The following SH3RF3 variants were observed in gnomAD, a reference collection of about 807,000 sequenced individuals.
SH3RF3 encodes E3 ubiquitin-protein ligase SH3RF3.
A neutral mutation model predicts 66.3 loss-of-function variants in SH3RF3; 29 were observed. That is an observed-to-expected ratio of 0.44 (90% CI 0.33 to 0.60). The LOEUF is 0.60. SH3RF3 is among the 20% of genes least tolerant of loss of function. The pLI is 0.04. For synonymous variants in SH3RF3, 583 were observed against 532.0 expected (o/e 1.10, Z -1.32); for missense variants, 1,194 against 1,190.9 (o/e 1.00, Z -0.04).
intron 1 of SH3RF3, among the ~76,000 whole-genome samples, chr2:109,137,992 C>T (rs999204151): frequency 6.6e-6 from 1 of 152,192 alleles, no homozygotes; most frequent in Non-Finnish European, 1.5e-5. Context: ...AATGCAATGG[C>T]AGACACATAC....
At chr2:109,449,518 G>A (rs1559089706) in intron 8 of SH3RF3, 29 bp downstream of exon 8, 5 of 1,607,014 alleles carry the variant, frequency 3.1e-6, no homozygotes, top group South Asian at 1.1e-5. Flanking sequence ...ACGAGCCCTG[G>A]GCTCGAGGCC....
chr2:109,150,665 G>T (rs1269593566), intron 1 of SH3RF3, among the ~76,000 whole-genome samples: 2 of 151,976 alleles, frequency 1.3e-5, no homozygotes, highest in Non-Finnish European at 2.9e-5. Context: ...GGCTGCCTCT[G>T]GTTCCAGTCT....
intron 1 of SH3RF3, among the ~76,000 whole-genome samples, chr2:109,305,737 A>G (rs7589911): frequency 0.31 from 47,322 of 152,200 alleles, 9,080 homozygotes; most frequent in African/African-American, 0.54. Flanking sequence ...GAGGACGCAC[A>G]TTCCAGGCAG....
intron 5 of SH3RF3, among the ~76,000 whole-genome samples, chr2:109,420,517 C>T (rs77450065): frequency 0.047 from 7,228 of 152,210 alleles, 481 homozygotes; most frequent in African/African-American, 0.15. Flanking sequence ...GCGATCCCGG[C>T]TCACTGCAAG....
At chr2:109,242,057 G>T (rs1305836879) in intron 1 of SH3RF3, among the ~76,000 whole-genome samples, 1 of 152,022 alleles carries the variant, frequency 6.6e-6, no homozygotes, top group African/African-American at 2.4e-5. Context: ...GGCTGGCTCT[G>T]GTGTAGACGG....
intron 9 of SH3RF3, among the ~76,000 whole-genome samples, chr2:109,499,443 C>T (rs978911165): frequency 2.0e-4 from 30 of 152,216 alleles, no homozygotes; most frequent in Admixed American, 1.8e-3. Flanking sequence ...CCTGGTGGCC[C>T]AGGGGCATCT....
chr2:109,456,706 T>C (rs1343713306), intron 8 of SH3RF3, among the ~76,000 whole-genome samples: 4 of 152,198 alleles, frequency 2.6e-5, no homozygotes, highest in African/African-American at 9.6e-5. Context: ...TGAGTGCTGG[T>C]GACCCTTTCA....
chr2:109,433,934 A>G (rs1677323950), intron 6 of SH3RF3, among the ~76,000 whole-genome samples: 1 of 152,224 alleles, frequency 6.6e-6, no homozygotes, highest in African/African-American at 2.4e-5. Context: ...TTAGAGGGTG[A>G]GCTGCCCACA....
chr2:109,143,730 G>T (rs1677023183), intron 1 of SH3RF3, among the ~76,000 whole-genome samples: 1 of 151,708 alleles, frequency 6.6e-6, no homozygotes, highest in Non-Finnish European at 1.5e-5. Flanking sequence ...CTCCAGCCTG[G>T]GCAACAGAGT....
intron 1 of SH3RF3, among the ~76,000 whole-genome samples, chr2:109,194,685 AG>A (rs1678454376): frequency 6.6e-6 from 1 of 152,198 alleles, no homozygotes; most frequent in South Asian, 2.1e-4. Flanking sequence ...AGGTTTCATC[AG>A]GGCAGGTGCT....
intron 3 of SH3RF3, among the ~76,000 whole-genome samples, chr2:109,375,936 T>C (rs1683371226): frequency 1.3e-5 from 2 of 152,344 alleles, no homozygotes; most frequent in East Asian, 1.9e-4. Flanking sequence ...CACCTGCACA[T>C]TGGGGGCATG....
chr2:109,341,712 A>C (rs1682556389), intron 1 of SH3RF3, among the ~76,000 whole-genome samples: 1 of 152,032 alleles, frequency 6.6e-6, no homozygotes, highest in African/African-American at 2.4e-5. Flanking sequence ...AAACTGGCCC[A>C]CCCTACTGTG....
intron 1 of SH3RF3, among the ~76,000 whole-genome samples, chr2:109,246,942 A>T (rs909857109): frequency 1.6e-4 from 24 of 152,280 alleles, no homozygotes; most frequent in Non-Finnish European, 3.1e-4. Context: ...CTCAGCCTTG[A>T]GGAGGCGTTC....
chr2:109,409,809 T>G (rs2104480688), intron 4 of SH3RF3, among the ~76,000 whole-genome samples: 1 of 152,214 alleles, frequency 6.6e-6, no homozygotes, highest in South Asian at 2.1e-4. Flanking sequence ...GAGTTTTCTT[T>G]GGGAAGCAAG....
Position 109,436,975 on chromosome 2 carries a change from C to T in SH3RF3, c.1657C>T (p.His553Tyr), listed in dbSNP as rs1237495014. Residue 553 changes from histidine to tyrosine, a missense_variant, in exon 7 of 10, where the codon CAC becomes TAC. His to Tyr is a moderately conservative substitution (Grantham distance 83). Coordinates refer to ENST00000309415, the MANE Select transcript of SH3RF3 (RefSeq NM_001099289.3). ...PLAKGITTTMHPGSGSLSSLA... is the reference protein window; with the variant it reads ...PLAKGITTTMYPGSGSLSSLA... ...GGCCAAAGGGATAACCACAACCATG[C>T]ACCCAGGCAGTGGGAGTCTGAGCAG... 3.1e-6 allele frequency: 5 copies of T among 1,613,906 alleles called. No individual in the cohort carries two copies. In the East Asian group the frequency reaches 6.7e-5, roughly 22 times the overall value.
At chr2:109,385,440 C>T (rs916797509) in intron 3 of SH3RF3, among the ~76,000 whole-genome samples, 3 of 152,188 alleles carry the variant, frequency 2.0e-5, no homozygotes, top group Non-Finnish European at 2.9e-5. Flanking sequence ...TTAGTAGCAG[C>T]GTGTTGTTTT....
At chr2:109,377,553 G>A (rs1370907274) in intron 3 of SH3RF3, among the ~76,000 whole-genome samples, 2 of 152,196 alleles carry the variant, frequency 1.3e-5, no homozygotes, top group Non-Finnish European at 2.9e-5. Context: ...TTAATATGGT[G>A]TGGTGTTTGG....
chr2:109,375,389 C>G (rs1286202737), intron 3 of SH3RF3, among the ~76,000 whole-genome samples: 1 of 152,226 alleles, frequency 6.6e-6, no homozygotes, highest in African/African-American at 2.4e-5. Flanking sequence ...GCCAGCTGGA[C>G]AGCGCCCCTT....
chr2:109,148,471 T>C (rs531263060), intron 1 of SH3RF3, among the ~76,000 whole-genome samples: 17 of 152,320 alleles, frequency 1.1e-4, no homozygotes, highest in African/African-American at 4.1e-4. Flanking sequence ...TGTGTACAAA[T>C]TTCTGCACGT....
Sources: gnomAD v4.1 joint callset for allele counts (sites outside exome capture counted in the v4.1 genomes callset) on GRCh38, gnomAD v4.1.1 for gene constraint, MANE v1.5 for transcripts, NCBI Gene and HGNC (gene_info 2026-07-23, HGNC 2026-07-21) for gene names.